The following RANBP2 variants were observed in gnomAD, a reference collection of about 807,000 sequenced individuals.
RANBP2 encodes the protein E3 SUMO-protein ligase RanBP2.
RANBP2 carries 57 observed loss-of-function variants against 303.6 expected under a neutral mutation model. The ratio of observed to expected loss-of-function variants is 0.19; its 90% CI spans 0.15 to 0.23. RANBP2 has a LOEUF of 0.23. RANBP2 is among the 10% of genes least tolerant of loss of function. The probability of loss-of-function intolerance (pLI) is 1.00; values close to 1 mark genes in which losing one functional copy is unlikely to be tolerated. For synonymous variants in RANBP2, 1,167 were observed against 1,301.5 expected (o/e 0.90, Z 2.23); for missense variants, 3,138 against 3,780.8 (o/e 0.83, Z 4.46).
chr2:109,148,158 G>A, the RANBP2 span, among the ~76,000 whole-genome samples: 1 of 152,240 alleles, frequency 6.6e-6, no homozygotes, highest in African/African-American at 2.4e-5. Context: ...AGTATGCAGT[G>A]TGTTCTTACC....
the RANBP2 span, among the ~76,000 whole-genome samples, chr2:108,958,491 G>T: frequency 6.6e-6 from 1 of 152,098 alleles, no homozygotes; most frequent in African/African-American, 2.4e-5. Context: ...TCACAAGGGT[G>T]CGTTTGTTCA....
chr2:109,093,145 A>G, the RANBP2 span, among the ~76,000 whole-genome samples: 1 of 152,220 alleles, frequency 6.6e-6, no homozygotes, highest in African/African-American at 2.4e-5. Flanking sequence ...CTTTGCAGGA[A>G]TGAAATTGGC....
At chr2:109,699,914 T>C in the RANBP2 span, among the ~76,000 whole-genome samples, 1 of 152,312 alleles carries the variant, frequency 6.6e-6, no homozygotes, top group Middle Eastern at 3.4e-3. Context: ...AGGGCTTATC[T>C]GGTTTGTTTC....
the RANBP2 span, among the ~76,000 whole-genome samples, chr2:109,486,199 C>G: frequency 6.6e-6 from 1 of 152,208 alleles, no homozygotes; most frequent in Non-Finnish European, 1.5e-5. Context: ...GCATGACGAC[C>G]ATTGGCTTCT....
At position 108,771,772 on chromosome 2, in the gene RANBP2, A is replaced by G. The variant is rs2149297185; in HGVS notation, c.7921A>G (p.Thr2641Ala). Residue 2641 changes from threonine to alanine, a missense_variant, in exon 21 of 29, where the codon ACC (threonine) becomes GCC (alanine). Physicochemically the swap from Thr to Ala is moderately conservative, Grantham distance 58. This residue lies in a region of RANBP2 where 497 missense variants were observed against 465.8 expected (regional missense o/e 1.07). Coordinates refer to ENST00000283195, the MANE Select transcript of RANBP2 (RefSeq NM_006267.5). Reference sequence around the variant, plus strand: ...TCTCATTGTATATGAACTAACTCCAACCGCTGAGCAGAAAGCCCTTGCAAC... The same window carrying G: ...TCTCATTGTATATGAACTAACTCCAGCCGCTGAGCAGAAAGCCCTTGCAAC... ...DVLIVYELTP[T>A]AEQKALATKL... 1.9e-6 allele frequency: 3 copies of G among 1,614,032 alleles called. No individual in the cohort carries two copies. Among genetic ancestry groups the G allele is most frequent in the Non-Finnish European group, 2.5e-6 (3 of 1,179,950 alleles).
chr2:109,215,154 TTCTC>T, the RANBP2 span, among the ~76,000 whole-genome samples: 1 of 152,180 alleles, frequency 6.6e-6, no homozygotes, highest in African/African-American at 2.4e-5. Context: ...CTTTCTGTGT[TTCTC>T]TCTCTCTGAG....
At chr2:108,814,576 C>T in the RANBP2 span, among the ~76,000 whole-genome samples, 2 of 151,352 alleles carry the variant, frequency 1.3e-5, no homozygotes, top group African/African-American at 2.4e-5. Flanking sequence ...GTGTGGATTG[C>T]CATCGGCTTA....
chr2:109,524,469 A>AAAAAAAAAAC, the RANBP2 span, among the ~76,000 whole-genome samples: 17 of 80,840 alleles, frequency 2.1e-4, no homozygotes, highest in South Asian at 1.2e-3. Flanking sequence ...AAAAAAAACA[A>AAAAAAAAAAC]AACAACACTG....
chr2:109,706,744 C>T, the RANBP2 span, among the ~76,000 whole-genome samples: 5 of 152,182 alleles, frequency 3.3e-5, no homozygotes, highest in African/African-American at 1.2e-4. Context: ...GTCTGATAAG[C>T]GAATGAATGA....
chr2:109,375,608 G>C, the RANBP2 span, among the ~76,000 whole-genome samples: 4 of 152,368 alleles, frequency 2.6e-5, no homozygotes, highest in East Asian at 7.7e-4. Context: ...GGATGAGCCA[G>C]TCTGAGGAAT....
chr2:109,493,599 A>C, the RANBP2 span, among the ~76,000 whole-genome samples: 38,172 of 146,124 alleles, frequency 0.26, 5,150 homozygotes, highest in East Asian at 0.51. Context: ...AATACACACA[A>C]ACCACACACA....
chr2:109,372,834 C>T, the RANBP2 span, among the ~76,000 whole-genome samples: 1 of 152,244 alleles, frequency 6.6e-6, no homozygotes, highest in Non-Finnish European at 1.5e-5. Context: ...GCACCGAAAG[C>T]CCACGGGTGA....
chr2:109,033,839 C>T, the RANBP2 span, among the ~76,000 whole-genome samples: 96 of 151,076 alleles, frequency 6.4e-4, no homozygotes, highest in African/African-American at 2.2e-3. Context: ...ACCTGTAGTC[C>T]CAGCAATTCG....
the RANBP2 span, among the ~76,000 whole-genome samples, chr2:109,395,170 G>A: frequency 3.6e-3 from 553 of 152,360 alleles, 5 homozygotes; most frequent in African/African-American, 0.012. Context: ...CAGTGCGTGC[G>A]CTACTCGCAT....
the RANBP2 span, among the ~76,000 whole-genome samples, chr2:109,598,683 A>C: frequency 6.6e-6 from 1 of 152,022 alleles, no homozygotes; most frequent in South Asian, 2.1e-4. Flanking sequence ...TCTCTACTAA[A>C]AATACAAAAA....
chr2:108,757,896 G>A (rs1437749318), intron 17 of RANBP2, among the ~76,000 whole-genome samples: 1 of 152,128 alleles, frequency 6.6e-6, no homozygotes, highest in Non-Finnish European at 1.5e-5. Context: ...ATTAGGTTTT[G>A]TATTAATAAA....
chr2:109,298,652 C>T, the RANBP2 span, among the ~76,000 whole-genome samples: 2 of 152,238 alleles, frequency 1.3e-5, no homozygotes, highest in African/African-American at 4.8e-5. Flanking sequence ...ACACCCGTTC[C>T]GTGCTCCCTC....
chr2:109,006,769 A>G, the RANBP2 span, among the ~76,000 whole-genome samples: 1 of 152,340 alleles, frequency 6.6e-6, no homozygotes, highest in Admixed American at 6.5e-5. Context: ...AGCGCATCCC[A>G]GGCACTGCCC....
At chr2:108,832,102 T>A in the RANBP2 span, among the ~76,000 whole-genome samples, 1 of 145,042 alleles carries the variant, frequency 6.9e-6, no homozygotes, top group African/African-American at 2.6e-5. Flanking sequence ...CCATCTCAGC[T>A]CCCTTCAACC....
Sources: allele counts gnomAD v4.1 joint callset (sites outside exome capture counted in the v4.1 genomes callset), GRCh38; gene constraint gnomAD v4.1.1; regional missense constraint gnomAD v4.1.1; transcripts MANE v1.5; gene names NCBI Gene and HGNC (gene_info 2026-07-23, HGNC 2026-07-21).